PTPRO: variants seen among roughly 807,000 people sequenced by gnomAD.
PTPRO encodes protein tyrosine phosphatase receptor type O.
A neutral mutation model predicts 145.2 loss-of-function variants in PTPRO; 62 were observed. The observed-to-expected ratio is 0.43, with a 90% CI of 0.35 to 0.53. The LOEUF is 0.53. Among genes scored for constraint, PTPRO ranks in the 20% least tolerant of loss-of-function variants. The pLI is 0.01. For missense variants in PTPRO, 1,345 were observed against 1,482.7 expected, an observed-to-expected ratio of 0.91 and a Z score of 1.53; for synonymous variants, 565 against 514.7, an observed-to-expected ratio of 1.10 and a Z score of -1.32.
chr12:15,506,518 G>A (rs1213758655), intron 6 of PTPRO, among the ~76,000 whole-genome samples: 2 of 152,182 alleles, frequency 1.3e-5, no homozygotes, highest in South Asian at 2.1e-4. Context: ...GGCCAGGGAG[G>A]TCTCAGGAAA....
chr12:15,327,887 G>T (rs1380840201), intron 1 of PTPRO, among the ~76,000 whole-genome samples: 1 of 152,072 alleles, frequency 6.6e-6, no homozygotes, highest in Non-Finnish European at 1.5e-5. Context: ...CCTGAAGCAG[G>T]TGGATCACCT....
intron 19 of PTPRO, among the ~76,000 whole-genome samples, chr12:15,572,603 A>T (rs992949936): frequency 6.6e-6 from 1 of 152,084 alleles, no homozygotes; most frequent in Non-Finnish European, 1.5e-5. Context: ...AAAGAGGTTA[A>T]CATTTTGTGA....
At chr12:15,440,146 T>A in intron 1 of PTPRO, 2 of 657,612 alleles carry the variant, frequency 3.0e-6, no homozygotes, top group South Asian at 3.2e-5. Context: ...TCTCAGCCCC[T>A]GTGCCCAAGA....
intron 1 of PTPRO, among the ~76,000 whole-genome samples, chr12:15,384,117 C>A (rs1165274731): frequency 6.6e-6 from 1 of 152,056 alleles, no homozygotes; most frequent in African/African-American, 2.4e-5. Flanking sequence ...GCATGTAAGA[C>A]TTCCCTTCCA....
chr12:15,403,115 C>T (rs1007896924), intron 1 of PTPRO, among the ~76,000 whole-genome samples: 1 of 152,154 alleles, frequency 6.6e-6, no homozygotes, highest in African/African-American at 2.4e-5. Context: ...GAATAAAATT[C>T]AAACCCCTTA....
intron 1 of PTPRO, among the ~76,000 whole-genome samples, chr12:15,360,888 A>ACG (rs1938174424): frequency 7.6e-6 from 1 of 130,826 alleles, no homozygotes; most frequent in African/African-American, 2.7e-5. Context: ...ACACATACAC[A>ACG]TGTGTATATA....
chr12:15,566,332 G>T (rs1296897360), intron 18 of PTPRO, among the ~76,000 whole-genome samples: 2 of 152,094 alleles, frequency 1.3e-5, no homozygotes, highest in African/African-American at 2.4e-5. Flanking sequence ...AAATTAGGGG[G>T]TCCAGCCAGG....
intron 1 of PTPRO, among the ~76,000 whole-genome samples, chr12:15,392,303 A>G (rs963060993): frequency 6.6e-6 from 1 of 152,218 alleles, no homozygotes; most frequent in African/African-American, 2.4e-5. Flanking sequence ...AGGGAAACTG[A>G]GTCTAATATA....
chr12:15,354,031 A>G (rs532076217), intron 1 of PTPRO, among the ~76,000 whole-genome samples: 1 of 152,240 alleles, frequency 6.6e-6, no homozygotes, highest in South Asian at 2.1e-4. Context: ...AGAGCTGTGT[A>G]AGCTGAACAA....
In PTPRO at chr12:15,322,592, G is replaced by A; in HGVS notation, c.-135G>A. On this transcript the variant is annotated 5_prime_UTR_variant, in exon 1 of 27. Coordinates refer to ENST00000281171, the MANE Select transcript of PTPRO (RefSeq NM_030667.3). The surrounding 1 kb of genome is among the most constrained non-coding windows in gnomAD (Gnocchi z 6.3). Reference sequence around the variant, plus strand: ...AAAGGGAGCAGGCGCAGGGGGACTGGAAAGGCAGCATGCGCTCGCCAGGAG... The same window carrying A: ...AAAGGGAGCAGGCGCAGGGGGACTGAAAAGGCAGCATGCGCTCGCCAGGAG... 1.3e-6 allele frequency: 1 copy of A among 750,742 alleles called. No individual in the cohort carries two copies. The highest frequency in any genetic ancestry group is 2.4e-6 in the Non-Finnish European group (1 of 423,540). 46.5% of individuals were successfully genotyped at this position (750,742 alleles called of 1,614,324 possible).
chr12:15,325,676 A>C (rs1028083026), intron 1 of PTPRO, among the ~76,000 whole-genome samples: 2 of 152,326 alleles, frequency 1.3e-5, no homozygotes, highest in African/African-American at 4.8e-5. Context: ...CATAATTCCC[A>C]GTGAAAGAAA....
chr12:15,593,266 T>C (rs143227187), intron 25 of PTPRO, among the ~76,000 whole-genome samples: 3 of 152,386 alleles, frequency 2.0e-5, no homozygotes, highest in African/African-American at 7.2e-5. Context: ...ATATTAATTT[T>C]GTTTTTTGTA....
chr12:15,355,064 G>A (rs1937940624), intron 1 of PTPRO, among the ~76,000 whole-genome samples: 1 of 152,098 alleles, frequency 6.6e-6, no homozygotes, highest in Admixed American at 6.6e-5. Context: ...GAGGGAGGAT[G>A]AAGAGAGAGA....
chr12:15,483,870 A>G (rs577959662), intron 1 of PTPRO, 104 bp from the exon 2 acceptor site: 1 of 1,239,250 alleles, frequency 8.1e-7, no homozygotes, highest in African/African-American at 1.5e-5. Context: ...AACATAACTA[A>G]TGTTTATGAT....
chr12:15,465,463 G>A (rs1223360487), intron 1 of PTPRO, among the ~76,000 whole-genome samples: 1 of 152,154 alleles, frequency 6.6e-6, no homozygotes, highest in Non-Finnish European at 1.5e-5. Context: ...TTTTAGTAAA[G>A]GAGAAGAGAC....
intron 1 of PTPRO, among the ~76,000 whole-genome samples, chr12:15,350,284 C>G (rs1335817711): frequency 6.6e-6 from 1 of 152,156 alleles, no homozygotes; most frequent in South Asian, 2.1e-4. Flanking sequence ...ACTGACAGTG[C>G]CAAGGGCTTT....
At chr12:15,428,594 A>T (rs555540162) in intron 1 of PTPRO, among the ~76,000 whole-genome samples, 9 of 152,192 alleles carry the variant, frequency 5.9e-5, no homozygotes, top group Non-Finnish European at 1.2e-4. Context: ...ATAATCAAGA[A>T]ATCTAAAGAT....
At chr12:15,593,109 G>A (rs4764212) in intron 25 of PTPRO, among the ~76,000 whole-genome samples, 142,180 of 152,264 alleles carry the variant, frequency 0.93, 67,113 homozygotes, top group East Asian at 1. Flanking sequence ...AACACCAGAA[G>A]CAATGGATTA....
intron 19 of PTPRO, among the ~76,000 whole-genome samples, chr12:15,570,598 G>A (rs1944023385): frequency 6.6e-6 from 1 of 152,060 alleles, no homozygotes; most frequent in Non-Finnish European, 1.5e-5. Context: ...CAGGTGCATA[G>A]GATATTATAG....
Sources: gnomAD v4.1 joint callset for allele counts (sites outside exome capture counted in the v4.1 genomes callset) on GRCh38, gnomAD v4.1.1 for gene constraint, Gnocchi (gnomAD v3.1) non-coding constraint, MANE v1.5 for transcripts, NCBI Gene and HGNC (gene_info 2026-07-23, HGNC 2026-07-21) for gene names.